MYT1L: variants seen among roughly 807,000 people sequenced by gnomAD.
The protein encoded by MYT1L is myelin transcription factor 1-like protein.
MYT1L carries 12 observed loss-of-function variants against 126.7 expected under a neutral mutation model. The ratio of observed to expected loss-of-function variants is 0.09; its 90% CI spans 0.06 to 0.15. MYT1L has a LOEUF of 0.15. Ranked by LOEUF, MYT1L falls within the 10% of genes least tolerant of loss-of-function variation. The pLI is 1.00. For synonymous variants in MYT1L, 541 were observed against 604.2 expected, an observed-to-expected ratio of 0.90 and a Z score of 1.53; for missense variants, 979 against 1,585.2, an observed-to-expected ratio of 0.62 and a Z score of 6.49.
At chr2:2,285,790 G>A (rs963054401) in intron 1 of MYT1L, among the ~76,000 whole-genome samples, 5 of 152,060 alleles carry the variant, frequency 3.3e-5, no homozygotes, top group East Asian at 1.9e-4. Flanking sequence ...CCTCAAAGTC[G>A]GCATCATTAT....
chr2:1,989,167 C>T (rs891879), intron 5 of MYT1L, among the ~76,000 whole-genome samples: 105,892 of 152,016 alleles, frequency 0.7, 38,210 homozygotes, highest in African/African-American at 0.9. Flanking sequence ...GGTGGGAACA[C>T]AACTTTCTTT....
At chr2:1,980,515 T>C (rs952484919) in intron 5 of MYT1L, among the ~76,000 whole-genome samples, 8 of 152,222 alleles carry the variant, frequency 5.3e-5, no homozygotes, top group Admixed American at 4.6e-4. Flanking sequence ...TTGGTTTCCT[T>C]TGAGGCATCT....
At chr2:2,090,284 C>T (rs182076551) in intron 3 of MYT1L, among the ~76,000 whole-genome samples, 10 of 152,280 alleles carry the variant, frequency 6.6e-5, no homozygotes, top group Admixed American at 3.9e-4. Context: ...ATACTGCAGG[C>T]TCACACCAGA....
chr2:2,119,484 C>T (rs962632450), intron 3 of MYT1L, among the ~76,000 whole-genome samples: 8 of 152,172 alleles, frequency 5.3e-5, no homozygotes, highest in African/African-American at 1.9e-4. Context: ...ATGCAGACTA[C>T]TGAATTAAGT....
chr2:2,281,652 A>G (rs116821581), intron 2 of MYT1L, among the ~76,000 whole-genome samples: 50 of 152,352 alleles, frequency 3.3e-4, no homozygotes, highest in Non-Finnish European at 6.6e-4. Flanking sequence ...AATATTGAAA[A>G]TACTGTCATA....
In MYT1L at chr2:2,257,160, A is replaced by G. The variant is rs552335979; in HGVS notation, c.-421+27244T>C. ...CTCCTGTGGCTGATCAGGGCACCCC[A>G]CTGAGAACACTACTTGAGAGAATAA... On this transcript the variant is annotated intron_variant, in intron 2 of 24. Coordinates refer to ENST00000647738, the MANE Select transcript of MYT1L (RefSeq NM_001303052.2). Among the ~76,000 whole-genome samples, 4 of 152,226 alleles carry G rather than the reference A, an allele frequency of 2.6e-5. No homozygotes were observed. In the East Asian group the frequency reaches 5.8e-4, roughly 22 times the overall value.
chr2:2,323,472 C>A lies in MYT1L; in HGVS notation c.-521+7495G>T, dbSNP rs568672168. 1.1e-4 allele frequency among the ~76,000 whole-genome samples: 17 copies of A among 152,170 alleles called. 1 individual carries two copies. The South Asian group carries it at 1.2e-3, about 11-fold the overall frequency. On this transcript the variant is annotated intron_variant, in intron 1 of 24. Coordinates refer to ENST00000647738, the MANE Select transcript of MYT1L (RefSeq NM_001303052.2). ...AGGTCAGTTAAAATGAAAAACCTTG[C>A]CTTTTCGGGAGAATAGGAATTATTA...
At position 2,080,383 on chromosome 2, in the gene MYT1L, G is replaced by GA. The variant is rs541260828; in HGVS notation, c.-303-26261dup. Among the ~76,000 whole-genome samples, 567 of 152,162 alleles carry GA rather than the reference G, an allele frequency of 3.7e-3. 4 individuals carry two copies. The highest frequency in any genetic ancestry group is 6.9e-3 in the Non-Finnish European group (470 of 67,982). ...GACAAAGGCCACCATCATGAAAATGGAAAAACAACAAAAAGAACAAGAATA... is the reference window on the plus strand; with the variant it reads ...GACAAAGGCCACCATCATGAAAATGGAAAAAACAACAAAAAGAACAAGAATA... On this transcript the variant is annotated intron_variant, in intron 3 of 24. Coordinates refer to ENST00000647738, the MANE Select transcript of MYT1L (RefSeq NM_001303052.2).
At chr2:1,969,905 G>C (rs972192333) in intron 8 of MYT1L, among the ~76,000 whole-genome samples, 7 of 152,122 alleles carry the variant, frequency 4.6e-5, no homozygotes, top group Non-Finnish European at 8.8e-5. Context: ...ACAGTGATTC[G>C]GTGTTGTTCA....
chr2:2,036,693 C>G (rs992882384), intron 4 of MYT1L, among the ~76,000 whole-genome samples: 1 of 152,216 alleles, frequency 6.6e-6, no homozygotes, highest in Non-Finnish European at 1.5e-5. Context: ...TGATCATAGT[C>G]TGAGCTACAT....
At chr2:2,045,074 T>A (rs986170202) in intron 4 of MYT1L, among the ~76,000 whole-genome samples, 2 of 152,320 alleles carry the variant, frequency 1.3e-5, no homozygotes, top group East Asian at 3.9e-4. Context: ...TACCTGATAA[T>A]AGACCAAGGG....
At chr2:1,956,574 T>TTCTATCTATCTA (rs72311419) in intron 8 of MYT1L, among the ~76,000 whole-genome samples, 207 of 101,580 alleles carry the variant, frequency 2.0e-3, no homozygotes, top group Non-Finnish European at 2.9e-3. Context: ...ATATTTCCTA[T>TTCTATCTATCTA]TCTATCTATC....
At chr2:1,978,171 C>T (rs2060327077) in intron 8 of MYT1L, among the ~76,000 whole-genome samples, 1 of 152,114 alleles carries the variant, frequency 6.6e-6, no homozygotes, top group Non-Finnish European at 1.5e-5. Flanking sequence ...CTGGATGTCA[C>T]TCGTAAGCTA....
chr2:2,299,484 G>A (rs888428137), intron 1 of MYT1L, among the ~76,000 whole-genome samples: 6 of 152,206 alleles, frequency 3.9e-5, no homozygotes, highest in African/African-American at 7.2e-5. Flanking sequence ...AGTTTGGGAC[G>A]GTGATGTGTG....
At chr2:1,823,746 G>C (rs1356209435) in intron 21 of MYT1L, among the ~76,000 whole-genome samples, 1 of 152,222 alleles carries the variant, frequency 6.6e-6, no homozygotes, top group Non-Finnish European at 1.5e-5. Context: ...GCAGCGATGA[G>C]GCTGGGTCCC....
At chr2:1,897,423 ACTTT>A (rs1200013989) in intron 14 of MYT1L, among the ~76,000 whole-genome samples, 2 of 151,162 alleles carry the variant, frequency 1.3e-5, no homozygotes, top group Non-Finnish European at 2.9e-5. Flanking sequence ...GACAGAATGC[ACTTT>A]CTTTTTCTTT....
intron 13 of MYT1L, among the ~76,000 whole-genome samples, chr2:1,907,634 A>G (rs1257782330): frequency 6.6e-6 from 1 of 152,256 alleles, no homozygotes; most frequent in Non-Finnish European, 1.5e-5. Flanking sequence ...AGGAGGCTAT[A>G]GACTTGGCCA....
intron 5 of MYT1L, among the ~76,000 whole-genome samples, chr2:1,991,036 T>C (rs934527495): frequency 1.8e-4 from 28 of 152,098 alleles, no homozygotes; most frequent in African/African-American, 6.8e-4. Context: ...TCCCATCTTG[T>C]CCCCTCTCAG....
intron 8 of MYT1L, among the ~76,000 whole-genome samples, chr2:1,952,861 CTTCT>C (rs1337124048): frequency 8.6e-5 from 6 of 70,042 alleles, no homozygotes; most frequent in African/African-American, 1.5e-4. Context: ...CCCTTACCTC[CTTCT>C]TTCCCTTCCC....
Sources: gnomAD v4.1 joint callset for allele counts (sites outside exome capture counted in the v4.1 genomes callset) on GRCh38, gnomAD v4.1.1 for gene constraint, MANE v1.5 for transcripts, NCBI Gene and HGNC (gene_info 2026-07-23, HGNC 2026-07-21) for gene names.